Variants in CACNB4 observed in about 807,000 individuals in gnomAD.
The protein encoded by CACNB4 is calcium voltage-gated channel auxiliary subunit beta 4.
CACNB4 carries 32 observed loss-of-function variants against 71.2 expected under a neutral mutation model. That is an observed-to-expected ratio of 0.45 (90% CI 0.34 to 0.60). The LOEUF is 0.60. CACNB4 is among the 20% of genes least tolerant of loss of function. The probability of loss-of-function intolerance (pLI) is 0.01; values close to 1 mark genes in which losing one functional copy is unlikely to be tolerated. For missense variants in CACNB4, 464 were observed against 647.9 expected, an observed-to-expected ratio of 0.72 and a Z score of 3.08; for synonymous variants, 231 against 236.9, an observed-to-expected ratio of 0.97 and a Z score of 0.23.
chr2:152,022,750 C>T (rs1683739305), intron 2 of CACNB4, among the ~76,000 whole-genome samples: 4 of 152,140 alleles, frequency 2.6e-5, no homozygotes, highest in Admixed American at 2.0e-4. Context: ...TCATAGAAAG[C>T]ATAATATTCT....
At chr2:151,878,057 A>G (rs549247410) in intron 4 of CACNB4, among the ~76,000 whole-genome samples, 1 of 152,326 alleles carries the variant, frequency 6.6e-6, no homozygotes, top group South Asian at 2.1e-4. Context: ...TACTGTTTTT[A>G]TCAGTGTTGG....
At chr2:151,900,471 G>C (rs557492134) in intron 2 of CACNB4, among the ~76,000 whole-genome samples, 1 of 152,316 alleles carries the variant, frequency 6.6e-6, no homozygotes, top group South Asian at 2.1e-4. Context: ...GGGGCAGCAT[G>C]AACAAAGGCA....
At chr2:152,055,518 C>A (rs1296170605) in intron 2 of CACNB4, among the ~76,000 whole-genome samples, 1 of 152,134 alleles carries the variant, frequency 6.6e-6, no homozygotes, top group Non-Finnish European at 1.5e-5. Context: ...CTTACCCTGA[C>A]TCACTCACTT....
intron 2 of CACNB4, among the ~76,000 whole-genome samples, chr2:152,065,570 C>T (rs1686269568): frequency 6.6e-6 from 1 of 152,164 alleles, no homozygotes; most frequent in Admixed American, 6.5e-5. Flanking sequence ...TCTTGAAGGA[C>T]TTCACACAGG....
At chr2:151,964,069 G>GA (rs397825547) in intron 2 of CACNB4, among the ~76,000 whole-genome samples, 51,129 of 99,256 alleles carry the variant, frequency 0.52, 13,975 homozygotes, top group Non-Finnish European at 0.56. Context: ...CTGTCTCACA[G>GA]AAAAAAAAAA....
Position 152,049,161 on chromosome 2 carries a change from T to C in CACNB4, c.147+49169A>G, listed in dbSNP as rs190866545. Among the ~76,000 whole-genome samples, 465 of 146,870 alleles carry C rather than the reference T, an allele frequency of 3.2e-3. 1 individual carries two copies. Among genetic ancestry groups the C allele is most frequent in the Non-Finnish European group, 4.3e-3 (289 of 66,700 alleles). On this transcript the variant is annotated intron_variant, in intron 2 of 13. Coordinates refer to ENST00000539935, the MANE Select transcript of CACNB4 (RefSeq NM_000726.5). The stretch of plus-strand genomic sequence containing the variant: ...TCTCTCCCCCATTTGCATTCTCTCT[T>C]TTTTTTTTTTAAACTTTTTTTTGTT...
At chr2:152,028,092 G>A (rs1397475214) in intron 2 of CACNB4, among the ~76,000 whole-genome samples, 7 of 152,218 alleles carry the variant, frequency 4.6e-5, no homozygotes, top group African/African-American at 9.6e-5. Flanking sequence ...GACAAGGATC[G>A]CCTGAGCAGA....
intron 2 of CACNB4, among the ~76,000 whole-genome samples, chr2:152,084,609 CCTTT>C (rs1264512562): frequency 2.0e-5 from 3 of 152,014 alleles, no homozygotes; most frequent in African/African-American, 4.8e-5. Flanking sequence ...GCTTCTGCTT[CCTTT>C]GTTTTTTGTT....
chr2:152,092,070 G>GA (rs1368021264), intron 2 of CACNB4, among the ~76,000 whole-genome samples: 2 of 152,122 alleles, frequency 1.3e-5, no homozygotes, highest in Admixed American at 6.5e-5. Flanking sequence ...GGATTGTGGT[G>GA]AAAAAAACAG....
chr2:151,943,241 T>C (rs964388203), intron 2 of CACNB4, among the ~76,000 whole-genome samples: 2 of 152,186 alleles, frequency 1.3e-5, no homozygotes, highest in African/African-American at 2.4e-5. Flanking sequence ...AGCTGACACT[T>C]ATGGAAAATA....
intron 2 of CACNB4, among the ~76,000 whole-genome samples, chr2:151,938,213 A>G (rs907988905): frequency 6.6e-6 from 1 of 152,228 alleles, no homozygotes; most frequent in Admixed American, 6.5e-5. Context: ...GTTAATAAGG[A>G]GAGTAAAAAC....
intron 2 of CACNB4, among the ~76,000 whole-genome samples, chr2:152,042,028 G>C (rs1660716096): frequency 6.6e-6 from 1 of 152,192 alleles, no homozygotes; most frequent in African/African-American, 2.4e-5. Context: ...GATCTGTTCA[G>C]TCTGCCACAC....
At chr2:151,980,833 G>A (rs1046287365) in intron 2 of CACNB4, among the ~76,000 whole-genome samples, 3 of 152,204 alleles carry the variant, frequency 2.0e-5, no homozygotes, top group African/African-American at 7.2e-5. Context: ...GTGACATAGA[G>A]TTGTTTTAAC....
At chr2:151,877,082 T>C (rs1015855714) in intron 4 of CACNB4, among the ~76,000 whole-genome samples, 3 of 148,050 alleles carry the variant, frequency 2.0e-5, no homozygotes, top group Admixed American at 6.8e-5. Context: ...TAGATATCTA[T>C]ATATACACAT....
At chr2:151,971,678 C>A in intron 2 of CACNB4, 1 of 697,206 alleles carries the variant, frequency 1.4e-6, no homozygotes, top group Non-Finnish European at 2.6e-6. Context: ...TTCACACCAT[C>A]TTGGGTAACA....
At chr2:152,056,986 A>G (rs563828366) in intron 2 of CACNB4, among the ~76,000 whole-genome samples, 1 of 152,266 alleles carries the variant, frequency 6.6e-6, no homozygotes, top group African/African-American at 2.4e-5. Flanking sequence ...TCCACCTCCC[A>G]GTATTCCTAG....
chr2:151,872,150 G>A, intron 6 of CACNB4: 1 of 328,142 alleles, frequency 3.0e-6, no homozygotes, highest in South Asian at 3.1e-5. Context: ...TGAATTTTTT[G>A]AATATCAATT....
intron 2 of CACNB4, among the ~76,000 whole-genome samples, chr2:152,062,595 CCTAAT>C (rs1195821257): frequency 1.3e-5 from 2 of 152,186 alleles, no homozygotes; most frequent in African/African-American, 4.8e-5. Context: ...ACCACCTAGA[CCTAAT>C]CACCTCCCCA....
intron 2 of CACNB4, among the ~76,000 whole-genome samples, chr2:151,944,495 A>G (rs537236220): frequency 6.6e-6 from 1 of 152,166 alleles, no homozygotes; most frequent in Non-Finnish European, 1.5e-5. Flanking sequence ...AGACATGATA[A>G]AAGTTACAAC....
Sources: allele counts gnomAD v4.1 joint callset (sites outside exome capture counted in the v4.1 genomes callset), GRCh38; gene constraint gnomAD v4.1.1; transcripts MANE v1.5; gene names NCBI Gene and HGNC (gene_info 2026-07-23, HGNC 2026-07-21).